Variants in KCNB2 observed in about 807,000 individuals in gnomAD.
KCNB2 encodes the protein delayed rectifier potassium channel protein.
Under a neutral mutation model 61.5 loss-of-function variants are expected in KCNB2, and 15 were observed. That is an observed-to-expected ratio of 0.24 (90% CI 0.16 to 0.38). The LOEUF is 0.38. KCNB2 is among the 10% of genes least tolerant of loss of function. KCNB2 has a pLI of 1.00. For missense variants in KCNB2, 828 were observed against 1,125.2 expected (o/e 0.74, Z 3.78); for synonymous variants, 457 against 446.0 (o/e 1.02, Z -0.31).
At chr8:72,692,299 T>G (rs1806953019) in intron 2 of KCNB2, among the ~76,000 whole-genome samples, 2 of 151,818 alleles carry the variant, frequency 1.3e-5, no homozygotes, top group Non-Finnish European at 2.9e-5. Flanking sequence ...TGTTAATTGA[T>G]TTTTCTATTA....
intron 2 of KCNB2, among the ~76,000 whole-genome samples, chr8:72,732,809 A>T (rs1807769607): frequency 6.6e-6 from 1 of 152,150 alleles, no homozygotes; most frequent in African/African-American, 2.4e-5. Flanking sequence ...TAGGCTGCCT[A>T]CTCAGCCCTG....
At chr8:72,656,492 A>T (rs527327656) in intron 2 of KCNB2, among the ~76,000 whole-genome samples, 1 of 152,190 alleles carries the variant, frequency 6.6e-6, no homozygotes, top group Non-Finnish European at 1.5e-5. Flanking sequence ...CAGGAAATGC[A>T]AAAGCAAAGG....
At chr8:72,753,067 C>T (rs980024334) in intron 2 of KCNB2, among the ~76,000 whole-genome samples, 5 of 152,168 alleles carry the variant, frequency 3.3e-5, no homozygotes, top group African/African-American at 7.2e-5. Flanking sequence ...AAGCTGACAA[C>T]GTGAGGAAAT....
At chr8:72,741,312 A>G (rs1032543980) in intron 2 of KCNB2, among the ~76,000 whole-genome samples, 2 of 152,092 alleles carry the variant, frequency 1.3e-5, no homozygotes, top group Non-Finnish European at 2.9e-5. Flanking sequence ...CTGCCCTGTT[A>G]CCTGCTAAGT....
At chr8:72,588,863 TCCAG>T (rs1807043674) in intron 2 of KCNB2, among the ~76,000 whole-genome samples, 2 of 151,852 alleles carry the variant, frequency 1.3e-5, no homozygotes, top group Admixed American at 1.3e-4. Flanking sequence ...ACCACTACAC[TCCAG>T]CCTGGGTGAC....
At chr8:72,895,642 A>G (rs924807104) in intron 2 of KCNB2, among the ~76,000 whole-genome samples, 4 of 152,172 alleles carry the variant, frequency 2.6e-5, no homozygotes, top group African/African-American at 9.6e-5. Context: ...CATGTCATGG[A>G]GTAAATTAGA....
chr8:72,926,772 A>G (rs73319479), intron 2 of KCNB2, among the ~76,000 whole-genome samples: 7,734 of 152,222 alleles, frequency 0.051, 624 homozygotes, highest in African/African-American at 0.18. Flanking sequence ...TACTTCATAT[A>G]TATTTGAATA....
At position 72,852,530 on chromosome 8, in the gene KCNB2, T is replaced by C. The variant is rs146915275; in HGVS notation, c.580-83405T>C. ...TTCTATTACATTAATCTTGGTTTTA[T>C]AGCAGAATATATTATTAAATATTTA... On this transcript the variant is annotated intron_variant, in intron 2 of 2. Transcript: ENST00000523207. Among the ~76,000 whole-genome samples, 1,141 of 152,340 alleles carry C rather than the reference T, an allele frequency of 7.5e-3. 18 individuals carry two copies. Among genetic ancestry groups the C allele is most frequent in the Admixed American group, 0.048 (735 of 15,298 alleles).
chr8:72,706,504 C>A (rs1807226279), intron 2 of KCNB2, among the ~76,000 whole-genome samples: 1 of 152,102 alleles, frequency 6.6e-6, no homozygotes, highest in Admixed American at 6.6e-5. Context: ...TTTAATTTCC[C>A]CAGAAAGGTA....
intron 2 of KCNB2, among the ~76,000 whole-genome samples, chr8:72,611,921 T>C (rs1035013116): frequency 2.6e-5 from 4 of 152,076 alleles, no homozygotes; most frequent in African/African-American, 9.7e-5. Context: ...TAAATAACTA[T>C]TAATCAATTA....
chr8:72,914,462 GA>G (rs1204737245), intron 2 of KCNB2, among the ~76,000 whole-genome samples: 2 of 152,160 alleles, frequency 1.3e-5, no homozygotes, highest in African/African-American at 4.8e-5. Context: ...ACTTATGATT[GA>G]AAACTCTTAA....
chr8:72,561,725 A>ATGTGTG (rs1273535594), intron 1 of KCNB2, among the ~76,000 whole-genome samples: 3 of 28,358 alleles, frequency 1.1e-4, no homozygotes, highest in African/African-American at 4.3e-4. Context: ...ATATATATAT[A>ATGTGTG]TATCTATATC....
intron 2 of KCNB2, among the ~76,000 whole-genome samples, chr8:72,931,943 G>A (rs1208221930): frequency 6.6e-6 from 1 of 152,172 alleles, no homozygotes; most frequent in South Asian, 2.1e-4. Flanking sequence ...TGTCTGGGAG[G>A]TGGAGGTTGC....
intron 2 of KCNB2, among the ~76,000 whole-genome samples, chr8:72,933,638 T>C (rs1276667719): frequency 2.0e-5 from 3 of 152,224 alleles, no homozygotes; most frequent in East Asian, 1.9e-4. Flanking sequence ...GATCTGACCA[T>C]TGATTTTTCA....
intron 2 of KCNB2, among the ~76,000 whole-genome samples, chr8:72,828,536 T>A (rs938614815): frequency 1.3e-5 from 2 of 152,206 alleles, no homozygotes; most frequent in African/African-American, 4.8e-5. Context: ...AGGGTTTCAG[T>A]GTTTATCCAA....
chr8:72,873,618 A>G (rs1805653034), intron 2 of KCNB2, among the ~76,000 whole-genome samples: 1 of 152,220 alleles, frequency 6.6e-6, no homozygotes, highest in Admixed American at 6.5e-5. Context: ...GTGAACAAGA[A>G]CCCATACTAT....
chr8:72,682,439 G>A (rs1415978931), intron 2 of KCNB2, among the ~76,000 whole-genome samples: 5 of 151,950 alleles, frequency 3.3e-5, no homozygotes, highest in African/African-American at 1.2e-4. Context: ...GTTCACCCAG[G>A]AATTTTCCTA....
chr8:72,858,431 T>A (rs1201526844), intron 2 of KCNB2, among the ~76,000 whole-genome samples: 1 of 152,204 alleles, frequency 6.6e-6, no homozygotes, highest in Non-Finnish European at 1.5e-5. Flanking sequence ...GAAAAAAAGA[T>A]ATATGTATGC....
Position 72,936,989 on chromosome 8 carries a change from A to G in KCNB2, c.1634A>G (p.Asn545Ser), listed in dbSNP as rs1346780958. 2 of 1,614,150 alleles carry G rather than the reference A, an allele frequency of 1.2e-6. No individual in the cohort carries two copies. The highest frequency in any genetic ancestry group is 1.7e-5 in the Admixed American group (1 of 60,022). Residue 545 changes from asparagine (N) to serine (S), a missense_variant, in exon 3 of 3, where the codon AAT (asparagine) becomes AGT (serine). This residue lies in a region of KCNB2 where 559 missense variants were observed against 588.4 expected (regional missense o/e 0.95). Coordinates refer to ENST00000523207, the MANE Select transcript of KCNB2 (RefSeq NM_004770.3). The surrounding 1 kb of genome is among the most constrained non-coding windows in gnomAD (Gnocchi z 5.6). ...GCCCAGAAACTGGAGATGCTATACA[A>G]TGAAATCACCAAGACACAGCCTCAT... ...LSAQKLEMLYNEITKTQPHSH... is the reference protein window; with the variant it reads ...LSAQKLEMLYSEITKTQPHSH...
Sources: allele counts gnomAD v4.1 joint callset (sites outside exome capture counted in the v4.1 genomes callset), GRCh38; gene constraint gnomAD v4.1.1; regional missense constraint gnomAD v4.1.1; non-coding constraint Gnocchi (gnomAD v3.1); transcripts MANE v1.5; gene names NCBI Gene and HGNC (gene_info 2026-07-23, HGNC 2026-07-21).